SPOCK1: variants seen among roughly 807,000 people sequenced by gnomAD.
The protein encoded by SPOCK1 is SPARC (osteonectin), cwcv and kazal like domains proteoglycan 1, also known as testican-1.
Under a neutral mutation model 55.3 loss-of-function variants are expected in SPOCK1, and 23 were observed. The observed-to-expected ratio is 0.42, with a 90% CI of 0.30 to 0.59. The LOEUF is 0.59. Ranked by LOEUF, SPOCK1 falls within the 20% of genes least tolerant of loss-of-function variation. The pLI is 0.22. For missense variants in SPOCK1, 499 were observed against 552.5 expected (o/e 0.90, Z 0.97); for synonymous variants, 226 against 221.0 (o/e 1.02, Z -0.20).
intron 2 of SPOCK1, among the ~76,000 whole-genome samples, chr5:137,477,493 C>G (rs145270222): frequency 6.6e-6 from 1 of 152,128 alleles, no homozygotes; most frequent in African/African-American, 2.4e-5. Context: ...CACTTGCAGA[C>G]CACTCAGTTT....
rs538830383 is a variant in SPOCK1 at position 137,357,388 on chromosome 5, C to T, written c.187-90333G>A. On this transcript the variant is annotated intron_variant, in intron 2 of 10. Transcript: ENST00000394945. ...AACAAACCACTACAAAACAAATTAGCCCTGATGCACACTTTGTTCTAGGCA... is the reference window on the plus strand; with the variant it reads ...AACAAACCACTACAAAACAAATTAGTCCTGATGCACACTTTGTTCTAGGCA... 2.0e-5 allele frequency among the ~76,000 whole-genome samples: 3 copies of T among 152,284 alleles called. No individual in the cohort carries two copies. The South Asian group carries it at 6.2e-4, about 32-fold the overall frequency.
chr5:137,418,343 TG>T (rs1472582251), intron 2 of SPOCK1, among the ~76,000 whole-genome samples: 2 of 152,186 alleles, frequency 1.3e-5, no homozygotes, highest in Non-Finnish European at 2.9e-5. Context: ...CTGGGTCAAA[TG>T]GTATTTCTAG....
chr5:137,177,619 T>A (rs528827516), intron 3 of SPOCK1, among the ~76,000 whole-genome samples: 1 of 151,970 alleles, frequency 6.6e-6, no homozygotes, highest in African/African-American at 2.4e-5. Context: ...AAAATGGAAT[T>A]TTCTAAGACA....
intron 2 of SPOCK1, among the ~76,000 whole-genome samples, chr5:137,491,957 T>C (rs1754189136): frequency 6.6e-6 from 1 of 152,212 alleles, no homozygotes; most frequent in African/African-American, 2.4e-5. Flanking sequence ...TAGCCTCCAC[T>C]TGCTATCTAT....
chr5:137,022,976 G>A (rs1468090854), intron 6 of SPOCK1, among the ~76,000 whole-genome samples: 1 of 152,078 alleles, frequency 6.6e-6, no homozygotes, highest in Non-Finnish European at 1.5e-5. Flanking sequence ...CTTAATCTTG[G>A]TTCTGATTCC....
chr5:137,296,693 G>A (rs557860767), intron 2 of SPOCK1, among the ~76,000 whole-genome samples: 6 of 152,332 alleles, frequency 3.9e-5, no homozygotes, highest in East Asian at 1.9e-4. Context: ...CCTCTGGAAG[G>A]ACTGGTGGAG....
At chr5:137,266,932 T>C (rs1489723037) in intron 3 of SPOCK1, 78 bp downstream of exon 3, 3 of 1,325,112 alleles carry the variant, frequency 2.3e-6, no homozygotes, top group Non-Finnish European at 3.2e-6. Flanking sequence ...TGTGGGAACA[T>C]TAACTCAGCA....
rs139855728 is a variant in SPOCK1, at chr5:137,172,215, C to G, written c.233-31521G>C. ...TTAAAAAGATGGTCAGAATGGTTCT[C>G]AAGCTTAACCCACAGAAAGTGCCTG... On this transcript the variant is annotated intron_variant, in intron 3 of 10. Coordinates refer to ENST00000394945, the MANE Select transcript of SPOCK1 (RefSeq NM_004598.4). Among the ~76,000 whole-genome samples, 1,500 of 152,270 alleles carry G rather than the reference C, an allele frequency of 9.9e-3. 25 individuals carry two copies. Among genetic ancestry groups the G allele is most frequent in the African/African-American group, 0.033 (1,380 of 41,562 alleles).
chr5:137,316,639 A>G (rs1757884828), intron 2 of SPOCK1, among the ~76,000 whole-genome samples: 1 of 152,192 alleles, frequency 6.6e-6, no homozygotes, highest in Non-Finnish European at 1.5e-5. Flanking sequence ...CTTTACTCTT[A>G]AATCCCTGGA....
At chr5:137,442,999 A>C (rs1184513132) in intron 2 of SPOCK1, among the ~76,000 whole-genome samples, 1 of 152,028 alleles carries the variant, frequency 6.6e-6, no homozygotes, top group African/African-American at 2.4e-5. Flanking sequence ...ACATCTGCCC[A>C]AGTTACTGAG....
rs992793703 is a variant in SPOCK1 at position 137,234,396 on chromosome 5, T to A, written c.232+32614A>T. 2.0e-5 allele frequency among the ~76,000 whole-genome samples: 3 copies of A among 152,206 alleles called. 1 individual carries two copies. Among genetic ancestry groups the A allele is most frequent in the Non-Finnish European group, 4.4e-5 (3 of 68,032 alleles). On this transcript the variant is annotated intron_variant, in intron 3 of 10. Coordinates refer to ENST00000394945, the MANE Select transcript of SPOCK1 (RefSeq NM_004598.4). Reference sequence around the variant, plus strand: ...GGGCAAGGGGAGGATGTAGATGCCCTGCTGCTGCATCGCCTTTCCAGCACT... The same window carrying A: ...GGGCAAGGGGAGGATGTAGATGCCCAGCTGCTGCATCGCCTTTCCAGCACT...
intron 3 of SPOCK1, among the ~76,000 whole-genome samples, chr5:137,170,915 T>G (rs1307998728): frequency 6.6e-6 from 1 of 152,158 alleles, no homozygotes; most frequent in East Asian, 1.9e-4. Flanking sequence ...AATCATAGGC[T>G]GTGACTTGGG....
At chr5:137,397,272 C>T (rs1449528914) in intron 2 of SPOCK1, among the ~76,000 whole-genome samples, 1 of 152,170 alleles carries the variant, frequency 6.6e-6, no homozygotes, top group African/African-American at 2.4e-5. Flanking sequence ...GTGAGTGGAG[C>T]CACGCACACT....
At chr5:137,199,021 C>T (rs929377280) in intron 3 of SPOCK1, among the ~76,000 whole-genome samples, 6 of 152,180 alleles carry the variant, frequency 3.9e-5, no homozygotes, top group African/African-American at 9.7e-5. Context: ...TTGTCAAAGA[C>T]CTACCAATGA....
At chr5:137,255,737 T>G (rs1756619615) in intron 3 of SPOCK1, among the ~76,000 whole-genome samples, 1 of 152,134 alleles carries the variant, frequency 6.6e-6, no homozygotes, top group East Asian at 1.9e-4. Context: ...AAGGGGGAGC[T>G]AGAGCAGAGT....
intron 5 of SPOCK1, among the ~76,000 whole-genome samples, chr5:137,100,705 G>A (rs938554134): frequency 6.6e-6 from 1 of 152,058 alleles, no homozygotes; most frequent in Non-Finnish European, 1.5e-5. Flanking sequence ...GGGAAAACTC[G>A]CTTATTTGGA....
intron 3 of SPOCK1, among the ~76,000 whole-genome samples, chr5:137,156,535 G>T (rs1418880660): frequency 6.6e-6 from 1 of 152,144 alleles, no homozygotes; most frequent in African/African-American, 2.4e-5. Flanking sequence ...GACCTTCACT[G>T]AGCACCTACT....
intron 3 of SPOCK1, among the ~76,000 whole-genome samples, chr5:137,222,120 A>T (rs1755867730): frequency 6.6e-6 from 1 of 152,190 alleles, no homozygotes; most frequent in African/African-American, 2.4e-5. Context: ...TTATCATGTC[A>T]CATACATACG....
At chr5:136,979,730 C>A (rs1413447888) in intron 9 of SPOCK1, among the ~76,000 whole-genome samples, 2 of 152,180 alleles carry the variant, frequency 1.3e-5, no homozygotes, top group Non-Finnish European at 2.9e-5. Context: ...ATTCTGGGCA[C>A]TGACCTAAAT....
Sources: gnomAD v4.1 joint callset for allele counts (sites outside exome capture counted in the v4.1 genomes callset) on GRCh38, gnomAD v4.1.1 for gene constraint, MANE v1.5 for transcripts, NCBI Gene and HGNC (gene_info 2026-07-23, HGNC 2026-07-21) for gene names.